MTMR8: variants seen among roughly 807,000 people sequenced by gnomAD.
The protein encoded by MTMR8 is phosphatidylinositol-3,5-bisphosphate 3-phosphatase MTMR8.
A neutral mutation model predicts 39.3 loss-of-function variants in MTMR8; 65 were observed. That is an observed-to-expected ratio of 1.65 (90% confidence interval 1.35 to 2.03). MTMR8 has a LOEUF of 2.03. Among genes scored for constraint, MTMR8 ranks in the 30% most tolerant of loss-of-function variants. The pLI is 0.00. For missense variants in MTMR8, 777 were observed against 538.9 expected (o/e 1.44, Z -4.37); for synonymous variants, 245 against 185.2 (o/e 1.32, Z -2.62).
chrX:64,288,871 G>A (rs12116380), intron 12 of MTMR8, among the ~76,000 whole-genome samples: 7,387 of 109,817 alleles, frequency 0.067, 679 homozygotes, highest in African/African-American at 0.24. Flanking sequence ...CCTGTTGTAG[G>A]GTGGGGGCAG....
At chrX:64,292,865 C>T (rs148011261) in intron 12 of MTMR8, among the ~76,000 whole-genome samples, 47 of 111,346 alleles carry the variant, frequency 4.2e-4, no homozygotes, top group African/African-American at 1.5e-3. Context: ...CCAAAGTATC[C>T]CGCATAATAA....
At position 64,366,412 on chromosome X, in the gene MTMR8, G is replaced by A. The variant is rs767192165; in HGVS notation, c.25-6885C>T. Among the ~76,000 whole-genome samples, 15 of 112,220 alleles carry A rather than the reference G, an allele frequency of 1.3e-4. No homozygotes were observed. The East Asian group carries it at 3.6e-3, about 27-fold the overall frequency. The stretch of plus-strand genomic sequence containing the variant: ...AGAAATCACAACAAACTGTCTCTCA[G>A]ACCACAGTGCAATCAAATTAGAACT... On this transcript the variant is annotated intron_variant, in intron 1 of 13. Transcript: ENST00000374852.
At chrX:64,351,150 A>C (rs1923477577) in intron 4 of MTMR8, among the ~76,000 whole-genome samples, 1 of 110,943 alleles carries the variant, frequency 9.0e-6, no homozygotes, top group Non-Finnish European at 1.9e-5. Flanking sequence ...TACACATCAA[A>C]AAGACCAACA....
chrX:64,343,564 A>G, intron 8 of MTMR8, 47 bp downstream of exon 8: 1 of 784,863 alleles, frequency 1.3e-6, no homozygotes, highest in Non-Finnish European at 1.9e-6. Context: ...ACTTCAATAT[A>G]TCCCATAATT....
chrX:64,315,339 T>A (rs1922436443), intron 12 of MTMR8, among the ~76,000 whole-genome samples: 1 of 111,390 alleles, frequency 9.0e-6, no homozygotes, highest in African/African-American at 3.3e-5. Flanking sequence ...GTCCCCAGCT[T>A]CCTCCAACTT....
chrX:64,338,594 T>C (rs1923136105), intron 8 of MTMR8, among the ~76,000 whole-genome samples: 1 of 112,099 alleles, frequency 8.9e-6, no homozygotes, highest in African/African-American at 3.2e-5. Context: ...ACCAATCAAG[T>C]ATACATTTTA....
At chrX:64,334,961 C>A (rs1256092236) in intron 10 of MTMR8, among the ~76,000 whole-genome samples, 1 of 111,607 alleles carries the variant, frequency 9.0e-6, no homozygotes, top group Non-Finnish European at 1.9e-5. Context: ...ATATCTGATT[C>A]AGCTCTGTCT....
intron 12 of MTMR8, among the ~76,000 whole-genome samples, chrX:64,313,817 C>T (rs900691753): frequency 8.9e-6 from 1 of 112,399 alleles, no homozygotes; most frequent in Non-Finnish European, 1.9e-5. Context: ...TGGTTAAGAA[C>T]CCTTGTTGAA....
chrX:64,289,312 C>G (rs1921316392), intron 12 of MTMR8, among the ~76,000 whole-genome samples: 1 of 110,669 alleles, frequency 9.0e-6, no homozygotes, highest in African/African-American at 3.3e-5. Flanking sequence ...GAAACCTTGT[C>G]CACTGCTGTT....
At chrX:64,365,874 G>A (rs1208702461) in intron 1 of MTMR8, among the ~76,000 whole-genome samples, 1 of 111,344 alleles carries the variant, frequency 9.0e-6, no homozygotes, top group South Asian at 3.8e-4. Context: ...CATCTCACAT[G>A]CAGAGACACA....
At chrX:64,365,347 G>C (rs1362361643) in intron 1 of MTMR8, among the ~76,000 whole-genome samples, 2 of 109,767 alleles carry the variant, frequency 1.8e-5, no homozygotes, top group Non-Finnish European at 3.8e-5. Context: ...AAAATGTTAA[G>C]GGCAGCCAGA....
At chrX:64,326,037 GTATAT>G (rs1039143150) in intron 12 of MTMR8, among the ~76,000 whole-genome samples, 1 of 111,636 alleles carries the variant, frequency 9.0e-6, no homozygotes, top group Non-Finnish European at 1.9e-5. Context: ...CACCTATTTT[GTATAT>G]TATATGTATT....
intron 12 of MTMR8, among the ~76,000 whole-genome samples, chrX:64,282,286 C>T (rs1920996902): frequency 1.8e-5 from 2 of 110,838 alleles, no homozygotes; most frequent in Admixed American, 1.9e-4. Flanking sequence ...TTTATTGCAG[C>T]AGTATTCACA....
intron 12 of MTMR8, among the ~76,000 whole-genome samples, chrX:64,285,327 T>G (rs1169894004): frequency 1.8e-5 from 2 of 111,073 alleles, no homozygotes; most frequent in African/African-American, 6.6e-5. Flanking sequence ...ATAAAGCAAG[T>G]CCTTAGAGAC....
At chrX:64,320,608 G>C (rs181712157) in intron 12 of MTMR8, among the ~76,000 whole-genome samples, 5 of 109,432 alleles carry the variant, frequency 4.6e-5, no homozygotes, top group Admixed American at 9.9e-5. Flanking sequence ...AGGGATAATA[G>C]ATGGAGCAAG....
chrX:64,385,525 A>G (rs1924535033), intron 1 of MTMR8, among the ~76,000 whole-genome samples: 1 of 111,804 alleles, frequency 8.9e-6, no homozygotes, highest in Non-Finnish European at 1.9e-5. Flanking sequence ...TAATTTATAA[A>G]GACAAAAGGT....
In MTMR8 at chrX:64,271,081, A is replaced by G; in HGVS notation, c.1482-8T>C. ...TACATCCCACACCAGAACCTCAAAT[A>G]GACAAAAATGGGGGGAAAAGTGGGT... On this transcript the variant is annotated splice_polypyrimidine_tract_variant and splice_region_variant and intron_variant, in intron 12 of 13. Transcript: ENST00000374852. The G allele has an allele frequency of 8.5e-7, 1 of 1,182,003 alleles. No homozygotes were observed. Among genetic ancestry groups the G allele is most frequent in the Non-Finnish European group, 1.1e-6 (1 of 882,127 alleles).
intron 8 of MTMR8, among the ~76,000 whole-genome samples, chrX:64,341,847 ATGTT>A (rs1923227854): frequency 8.9e-6 from 1 of 112,215 alleles, no homozygotes; most frequent in African/African-American, 3.2e-5. Context: ...ACTATGGGGA[ATGTT>A]TACATTTTAT....
intron 12 of MTMR8, among the ~76,000 whole-genome samples, chrX:64,308,875 A>G (rs1922210245): frequency 9.0e-6 from 1 of 111,276 alleles, no homozygotes; most frequent in South Asian, 3.7e-4. Flanking sequence ...TCTCTGTTGA[A>G]TTGTCTTTGT....
Sources: gnomAD v4.1 joint callset for allele counts (sites outside exome capture counted in the v4.1 genomes callset) on GRCh38, gnomAD v4.1.1 for gene constraint, MANE v1.5 for transcripts, NCBI Gene and HGNC (gene_info 2026-07-23, HGNC 2026-07-21) for gene names.